The following NCOA1 variants were observed in gnomAD, a reference collection of about 807,000 sequenced individuals.
The protein encoded by NCOA1 is Hin-2 protein.
In NCOA1, 35 loss-of-function variants were observed where a neutral mutation model predicts 150.9. The observed-to-expected ratio is 0.23, with a 90% CI of 0.18 to 0.31. NCOA1 has a LOEUF of 0.31. Among genes scored for constraint, NCOA1 ranks in the 10% least tolerant of loss-of-function variants. The pLI, the probability that NCOA1 is intolerant of heterozygous loss-of-function variation, is 1.00. For synonymous variants in NCOA1, 590 were observed against 630.0 expected, an observed-to-expected ratio of 0.94 and a Z score of 0.95; for missense variants, 1,491 against 1,749.3, an observed-to-expected ratio of 0.85 and a Z score of 2.63.
chr2:24,516,733 A>G (rs1307013985), intron 1 of NCOA1, among the ~76,000 whole-genome samples: 1 of 144,646 alleles, frequency 6.9e-6, no homozygotes, highest in Non-Finnish European at 1.5e-5. Flanking sequence ...CATCTTTCTC[A>G]CTTTCTCTCT....
intron 22 of NCOA1, among the ~76,000 whole-genome samples, chr2:24,766,644 T>G (rs1665080154): frequency 2.8e-5 from 4 of 143,220 alleles, no homozygotes; most frequent in East Asian, 2.1e-4. Flanking sequence ...AACAGAGGAG[T>G]GGGAAGAGGG....
chr2:24,741,601 A>AT (rs1192636229), intron 18 of NCOA1, among the ~76,000 whole-genome samples, 183 bp from the exon 19 acceptor site: 1 of 151,940 alleles, frequency 6.6e-6, no homozygotes, highest in Non-Finnish European at 1.5e-5. Flanking sequence ...TACTTAATTC[A>AT]TTTTTTCTCC....
intron 21 of NCOA1, among the ~76,000 whole-genome samples, 170 bp downstream of exon 21, chr2:24,758,326 CTTT>C (rs772274757): frequency 4.1e-5 from 5 of 121,200 alleles, no homozygotes; most frequent in Admixed American, 8.7e-5. Context: ...TTTTGACAGA[CTTT>C]TTTTTTTTTT....
chr2:24,498,044 A>G lies in NCOA1; in HGVS notation c.-396+6442A>G, dbSNP rs901027779. ...TGTGAATGTATGTATGTATATAAACATATCACATCATATTTGACCAGATAG... is the reference window on the plus strand; with the variant it reads ...TGTGAATGTATGTATGTATATAAACGTATCACATCATATTTGACCAGATAG... On this transcript the variant is annotated intron_variant, in intron 1 of 22. Coordinates refer to ENST00000348332, the MANE Select transcript of NCOA1 (RefSeq NM_003743.5). Among the ~76,000 whole-genome samples the G allele has an allele frequency of 3.9e-5, 6 of 152,382 alleles. No homozygotes were observed. In the South Asian group the frequency reaches 1.2e-3, roughly 32 times the overall value.
At chr2:24,627,138 T>C (rs1202047336) in intron 3 of NCOA1, among the ~76,000 whole-genome samples, 1 of 149,632 alleles carries the variant, frequency 6.7e-6, no homozygotes, top group Admixed American at 6.6e-5. Context: ...TTTTTTTTTT[T>C]TTTTTAAGTT....
At chr2:24,675,306 C>G (rs2148524012) in intron 7 of NCOA1, among the ~76,000 whole-genome samples, 1 of 152,300 alleles carries the variant, frequency 6.6e-6, no homozygotes, top group Admixed American at 6.5e-5. Flanking sequence ...ATCATAGAAC[C>G]ATGCTTGGAA....
intron 2 of NCOA1, among the ~76,000 whole-genome samples, chr2:24,575,581 T>C (rs1205363563): frequency 6.6e-6 from 1 of 150,542 alleles, no homozygotes; most frequent in East Asian, 1.9e-4. Context: ...TTTTTCTTTT[T>C]TTTTTTTTTT....
rs869113477 is a variant in NCOA1, at chr2:24,614,199, C to CTTTTTTTTT, written c.-175+29663_-175+29671dup. Among the ~76,000 whole-genome samples the CTTTTTTTTT allele has an allele frequency of 9.2e-3, 84 of 9,170 alleles. 27 individuals are homozygous for CTTTTTTTTT. The highest frequency in any genetic ancestry group is 0.015 in the Admixed American group (8 of 544). The allele number at this position is 9,170 out of a possible 152,430, so 6.0% of individuals were successfully genotyped here. On this transcript the variant is annotated intron_variant, in intron 3 of 22. Transcript: ENST00000348332. ...CCTATTGTATCGATTCATTTCCATT[C>CTTTTTTTTT]TTTTTTTTTTTTTTTTTTTTTTTTT...
At chr2:24,644,333 A>G (rs1287330394) in intron 4 of NCOA1, among the ~76,000 whole-genome samples, 1 of 152,178 alleles carries the variant, frequency 6.6e-6, no homozygotes, top group Non-Finnish European at 1.5e-5. Context: ...GTATGTCGAA[A>G]TCACTTATGA....
chr2:24,595,852 A>G (rs1667863810), intron 3 of NCOA1, among the ~76,000 whole-genome samples: 1 of 152,112 alleles, frequency 6.6e-6, no homozygotes, highest in Admixed American at 6.6e-5. Flanking sequence ...ATTTGCCTCA[A>G]TTATTTCATG....
At chr2:24,734,248 G>A (rs1256246016) in intron 17 of NCOA1, among the ~76,000 whole-genome samples, 3 of 148,488 alleles carry the variant, frequency 2.0e-5, no homozygotes, top group Non-Finnish European at 4.5e-5. Context: ...AGTCATAATT[G>A]AAAGGCAAAA....
At chr2:24,575,850 GGT>G (rs1558806037) in intron 2 of NCOA1, among the ~76,000 whole-genome samples, 1 of 152,146 alleles carries the variant, frequency 6.6e-6, no homozygotes, top group Non-Finnish European at 1.5e-5. Context: ...TGGGATTACA[GGT>G]GTGAGCCACC....
intron 10 of NCOA1, among the ~76,000 whole-genome samples, chr2:24,697,313 C>T (rs1672950458): frequency 6.6e-6 from 1 of 152,062 alleles, no homozygotes; most frequent in South Asian, 2.1e-4. Context: ...CTCTCCTTTC[C>T]AATCGGTCAT....
rs1327988178 is a variant in NCOA1, at chr2:24,770,149, C to T, written c.*1758C>T. ...GGACACTCAGTTACAAACATTATCT[C>T]CTTTAGTTTTTCAGAAAATGCATCC... is the stretch of plus-strand genomic sequence containing the variant. On this transcript the variant is annotated 3_prime_UTR_variant, in exon 23 of 23. Coordinates refer to ENST00000348332, the MANE Select transcript of NCOA1 (RefSeq NM_003743.5). 2 of 231,470 alleles carry T rather than the reference C, an allele frequency of 8.6e-6. No homozygotes were observed. Among genetic ancestry groups the T allele is most frequent in the African/African-American group, 4.4e-5 (2 of 45,184 alleles). 14.3% of individuals were successfully genotyped at this position (231,470 alleles called of 1,614,324 possible).
At chr2:24,564,632 C>G (rs1181857253) in intron 2 of NCOA1, 2 of 152,110 alleles carry the variant, frequency 1.3e-5, no homozygotes, top group African/African-American at 4.8e-5. Flanking sequence ...TTTCCAAAAG[C>G]CTGCAGTACT....
rs1491341011 is a variant in NCOA1 at position 24,507,436 on chromosome 2, T to TTG, written c.-396+15835_-396+15836insGT. Among the ~76,000 whole-genome samples, 43 of 14,040 alleles carry TTG rather than the reference T, an allele frequency of 3.1e-3. No homozygotes were observed. The Admixed American group carries it at 0.079, about 26-fold the overall frequency. The allele number at this position is 14,040 out of a possible 152,430, so 9.2% of individuals were successfully genotyped here. ...TATACAGTGAAGGTGAGCTGCTGGGTTTTTTTTTTTTTTTTTTTTAATGTT... is the reference window on the plus strand; with the variant it reads ...TATACAGTGAAGGTGAGCTGCTGGGTTGTTTTTTTTTTTTTTTTTTTAATGTT... On this transcript the variant is annotated intron_variant, in intron 1 of 22. Coordinates refer to ENST00000348332, the MANE Select transcript of NCOA1 (RefSeq NM_003743.5).
chr2:24,618,997 A>T (rs142409994), intron 3 of NCOA1, among the ~76,000 whole-genome samples: 100 of 152,294 alleles, frequency 6.6e-4, no homozygotes, highest in African/African-American at 2.3e-3. Context: ...TAAAAATTTG[A>T]TGTTACTTAC....
chr2:24,544,686 C>T (rs984967365), intron 1 of NCOA1, among the ~76,000 whole-genome samples: 3 of 152,096 alleles, frequency 2.0e-5, no homozygotes, highest in African/African-American at 7.2e-5. Context: ...CCACAGTGAG[C>T]CATGATTGTG....
At chr2:24,652,669 G>A (rs552140516) in intron 4 of NCOA1, among the ~76,000 whole-genome samples, 144 of 152,130 alleles carry the variant, frequency 9.5e-4, no homozygotes, top group Admixed American at 3.4e-3. Flanking sequence ...GGTTTAGTCT[G>A]GTACATTTGA....
Sources: gnomAD v4.1 joint callset for allele counts (sites outside exome capture counted in the v4.1 genomes callset) on GRCh38, gnomAD v4.1.1 for gene constraint, MANE v1.5 for transcripts, NCBI Gene and HGNC (gene_info 2026-07-23, HGNC 2026-07-21) for gene names.